The following RIPOR2 variants were observed in gnomAD, a reference collection of about 807,000 sequenced individuals.
The protein encoded by RIPOR2 is RHO family interacting cell polarization regulator 2, also known as rho family-interacting cell polarization regulator 2.
Under a neutral mutation model 114.5 loss-of-function variants are expected in RIPOR2, and 39 were observed. The ratio of observed to expected loss-of-function variants is 0.34; its 90% CI spans 0.26 to 0.44. The LOEUF (loss-of-function observed/expected upper bound fraction) is 0.44. RIPOR2 is among the 20% of genes least tolerant of loss of function. The pLI, the probability that RIPOR2 is intolerant of heterozygous loss-of-function variation, is 1.00. For missense variants in RIPOR2, 1,007 were observed against 1,255.1 expected (o/e 0.80, Z 2.99); for synonymous variants, 445 against 484.4 (o/e 0.92, Z 1.07).
At chr6:24,944,405 C>G (rs1185404936) in intron 1 of RIPOR2, among the ~76,000 whole-genome samples, 1 of 152,060 alleles carries the variant, frequency 6.6e-6, no homozygotes, top group Non-Finnish European at 1.5e-5. Context: ...AGTGGCCACA[C>G]ATGACAAACA....
rs1350891370 is a variant in RIPOR2 at position 24,809,705 on chromosome 6, A to G, written c.3043+12T>C. 1.3e-6 allele frequency: 2 copies of G among 1,510,988 alleles called. No homozygotes were observed. The highest frequency in any genetic ancestry group is 4.9e-5 in the East Asian group (2 of 40,738). The allele number at this position is 1,510,988 out of a possible 1,614,324, so 93.6% of individuals were successfully genotyped here. On this transcript the variant is annotated intron_variant, in intron 21 of 21. Transcript: ENST00000643898. ...AGCAAACAATCATGTAAACAACAAC[A>G]ATAAAACTCACCCAGAGACAAGAGG...
intron 1 of RIPOR2, among the ~76,000 whole-genome samples, chr6:24,994,279 C>G (rs1774955513): frequency 6.6e-6 from 1 of 152,118 alleles, no homozygotes; most frequent in Non-Finnish European, 1.5e-5. Context: ...GAAGACTAAG[C>G]TTCTATTTTG....
chr6:24,988,232 C>T (rs1476300472), intron 1 of RIPOR2, among the ~76,000 whole-genome samples: 8 of 152,170 alleles, frequency 5.3e-5, no homozygotes, highest in Non-Finnish European at 4.4e-5. Context: ...CTCTGTCACC[C>T]AGGCTGGAGT....
intron 12 of RIPOR2, among the ~76,000 whole-genome samples, chr6:24,846,301 CTTTTT>C (rs1233193249): frequency 1.1e-5 from 1 of 91,720 alleles, no homozygotes; most frequent in East Asian, 4.1e-4. Flanking sequence ...TTTCACCTGC[CTTTTT>C]TTTTTTTTTT....
At chr6:24,961,967 T>A (rs1773329406) in intron 1 of RIPOR2, among the ~76,000 whole-genome samples, 1 of 152,162 alleles carries the variant, frequency 6.6e-6, no homozygotes, top group African/African-American at 2.4e-5. Context: ...AGGCAGGTAC[T>A]TTTATTACCC....
intron 1 of RIPOR2, among the ~76,000 whole-genome samples, chr6:24,951,230 A>C (rs1273218184): frequency 1.3e-5 from 2 of 152,188 alleles, no homozygotes; most frequent in African/African-American, 4.8e-5. Flanking sequence ...ACCTCCCAAT[A>C]TTAGGCAGAG....
chr6:24,839,859 T>G, intron 13 of RIPOR2: 1 of 1,098,644 alleles, frequency 9.1e-7, no homozygotes. Context: ...TCTAAAGGAC[T>G]AACAAAACAA....
intron 1 of RIPOR2, among the ~76,000 whole-genome samples, chr6:24,909,189 T>C (rs1330939855): frequency 6.6e-6 from 1 of 152,200 alleles, no homozygotes; most frequent in East Asian, 1.9e-4. Context: ...CACAGAAAGC[T>C]AATCCTGAGT....
chr6:24,826,547 T>C (rs1760208492), intron 18 of RIPOR2, among the ~76,000 whole-genome samples: 1 of 151,978 alleles, frequency 6.6e-6, no homozygotes, highest in Non-Finnish European at 1.5e-5. Context: ...GCTCTATCAA[T>C]TTCACTGCTT....
chr6:24,841,488 G>A (rs1433826301), intron 13 of RIPOR2, among the ~76,000 whole-genome samples: 1 of 151,978 alleles, frequency 6.6e-6, no homozygotes, highest in Admixed American at 6.6e-5. Flanking sequence ...ATTATCATCT[G>A]CCTGGGGCAC....
intron 1 of RIPOR2, among the ~76,000 whole-genome samples, chr6:25,014,163 G>T (rs1415841241): frequency 6.6e-6 from 1 of 152,224 alleles, no homozygotes; most frequent in African/African-American, 2.4e-5. Flanking sequence ...AATTAATGTT[G>T]TCAAATTTTC....
Position 24,875,718 on chromosome 6 carries a change from A to C in RIPOR2, c.161T>G (p.Phe54Cys). Residue 54 changes from phenylalanine to cysteine, a missense_variant, in exon 2 of 22, where the codon TTC becomes TGC. By Grantham distance (205) the Phe-to-Cys change is radical (BLOSUM62 -2). Transcript: ENST00000643898. ...GIIRSQSFAGFSGLQERRSRC... is the reference protein window; with the variant it reads ...GIIRSQSFAGCSGLQERRSRC... Reference sequence around the variant, plus strand: ...GGATCGCCTTTCCTGGAGGCCGCTGAAACCCGCAAAGGACTGGCTTCTAAT... The same window carrying C: ...GGATCGCCTTTCCTGGAGGCCGCTGCAACCCGCAAAGGACTGGCTTCTAAT... The C allele has an allele frequency of 6.2e-7, 1 of 1,613,636 alleles. No homozygotes were observed. The highest frequency in any genetic ancestry group is 1.3e-5 in the African/African-American group (1 of 75,032).
intron 9 of RIPOR2, among the ~76,000 whole-genome samples, chr6:24,852,335 A>G (rs968591782): frequency 6.6e-6 from 1 of 152,324 alleles, no homozygotes; most frequent in East Asian, 1.9e-4. Flanking sequence ...TAACAATGAC[A>G]GCAATAATGA....
chr6:24,984,410 C>T (rs532495923), intron 1 of RIPOR2, among the ~76,000 whole-genome samples: 1 of 152,296 alleles, frequency 6.6e-6, no homozygotes, highest in South Asian at 2.1e-4. Flanking sequence ...AAAGAACCTT[C>T]TAACACACAT....
intron 12 of RIPOR2, among the ~76,000 whole-genome samples, chr6:24,847,328 A>T (rs1282902461): frequency 6.6e-6 from 1 of 152,220 alleles, no homozygotes; most frequent in Admixed American, 6.5e-5. Flanking sequence ...ATGGAGAAAA[A>T]TCACAGCACA....
intron 1 of RIPOR2, among the ~76,000 whole-genome samples, chr6:25,036,835 A>C (rs957716524): frequency 1.3e-5 from 2 of 152,176 alleles, no homozygotes; most frequent in Non-Finnish European, 2.9e-5. Flanking sequence ...TCACACCCCT[A>C]GGGGCCAAGA....
chr6:25,017,152 C>A (rs1468328508), intron 1 of RIPOR2, among the ~76,000 whole-genome samples: 1 of 152,150 alleles, frequency 6.6e-6, no homozygotes, highest in African/African-American at 2.4e-5. Flanking sequence ...CCAGCCTGGC[C>A]AACATGGTGA....
chr6:24,810,152 A>G (rs2113624149), intron 20 of RIPOR2, among the ~76,000 whole-genome samples: 1 of 152,234 alleles, frequency 6.6e-6, no homozygotes, highest in Middle Eastern at 3.4e-3. Flanking sequence ...AATGCTAAAA[A>G]CCACTTTACC....
At chr6:24,998,785 A>G (rs1775159406) in intron 1 of RIPOR2, among the ~76,000 whole-genome samples, 1 of 152,210 alleles carries the variant, frequency 6.6e-6, no homozygotes, top group Non-Finnish European at 1.5e-5. Flanking sequence ...AGGAATTCCA[A>G]TCGGCCCAAG....
Sources: allele counts gnomAD v4.1 joint callset (sites outside exome capture counted in the v4.1 genomes callset), GRCh38; gene constraint gnomAD v4.1.1; transcripts MANE v1.5; gene names NCBI Gene and HGNC (gene_info 2026-07-23, HGNC 2026-07-21).